Variants in CLSTN2 observed in about 807,000 individuals in gnomAD.
CLSTN2 encodes calsyntenin 2.
A neutral mutation model predicts 101.2 loss-of-function variants in CLSTN2; 48 were observed. That is an observed-to-expected ratio of 0.47 (90% CI 0.38 to 0.60). The LOEUF is 0.60. Among genes scored for constraint, CLSTN2 ranks in the 20% least tolerant of loss-of-function variants. CLSTN2 has a pLI of 0.00. For synonymous variants in CLSTN2, 481 were observed against 463.6 expected (o/e 1.04, Z -0.48); for missense variants, 1,160 against 1,238.2 (o/e 0.94, Z 0.95).
At chr3:140,327,811 A>G (rs1234423089) in intron 2 of CLSTN2, among the ~76,000 whole-genome samples, 4 of 152,224 alleles carry the variant, frequency 2.6e-5, no homozygotes, top group African/African-American at 9.6e-5. Flanking sequence ...AAAATACTGT[A>G]GGATCTGAAT....
At chr3:140,433,980 G>A (rs915855134) in intron 5 of CLSTN2, among the ~76,000 whole-genome samples, 3 of 152,132 alleles carry the variant, frequency 2.0e-5, no homozygotes, top group African/African-American at 4.8e-5. Flanking sequence ...TAAGAGGCCT[G>A]GCAAAGTGCC....
At chr3:139,959,858 T>G (rs556230601) in intron 1 of CLSTN2, among the ~76,000 whole-genome samples, 93 of 152,266 alleles carry the variant, frequency 6.1e-4, no homozygotes, top group Non-Finnish European at 1.2e-3. Context: ...CAAACCACAT[T>G]CTTTGGATTA....
intron 2 of CLSTN2, among the ~76,000 whole-genome samples, chr3:140,347,245 A>G (rs1474765422): frequency 6.6e-6 from 1 of 152,214 alleles, no homozygotes; most frequent in Admixed American, 6.5e-5. Context: ...ACATTTTGCT[A>G]TTGAACTTTT....
intron 1 of CLSTN2, among the ~76,000 whole-genome samples, chr3:140,046,700 G>A (rs556233333): frequency 6.6e-6 from 1 of 152,138 alleles, no homozygotes; most frequent in African/African-American, 2.4e-5. Context: ...CTCTTGTAGG[G>A]CAGGCCTGGT....
chr3:140,081,375 T>C (rs2008596177), intron 1 of CLSTN2, among the ~76,000 whole-genome samples: 1 of 152,256 alleles, frequency 6.6e-6, no homozygotes, highest in Non-Finnish European at 1.5e-5. Flanking sequence ...ATGTTTCTCC[T>C]CTTTTGCATG....
chr3:139,985,775 G>C (rs895292158), intron 1 of CLSTN2, among the ~76,000 whole-genome samples: 2 of 152,196 alleles, frequency 1.3e-5, no homozygotes, highest in Non-Finnish European at 2.9e-5. Context: ...AGGAGGTTCA[G>C]TTTATGTTAT....
intron 2 of CLSTN2, among the ~76,000 whole-genome samples, chr3:140,290,907 A>G (rs1469086023): frequency 2.0e-5 from 3 of 152,154 alleles, no homozygotes; most frequent in African/African-American, 7.2e-5. Flanking sequence ...CTGATCTGCA[A>G]TGATGCCCTC....
intron 2 of CLSTN2, among the ~76,000 whole-genome samples, chr3:140,214,609 C>G (rs992485390): frequency 2.6e-5 from 4 of 152,202 alleles, no homozygotes; most frequent in African/African-American, 9.7e-5. Context: ...TTCCCAACAT[C>G]TTTCTAACAC....
intron 2 of CLSTN2, among the ~76,000 whole-genome samples, chr3:140,228,852 G>A (rs906090756): frequency 3.9e-5 from 6 of 152,152 alleles, no homozygotes; most frequent in Admixed American, 2.6e-4. Context: ...GGAAAGACCC[G>A]CCCCCATAAT....
At chr3:140,066,257 C>T (rs1377817234) in intron 1 of CLSTN2, among the ~76,000 whole-genome samples, 1 of 152,246 alleles carries the variant, frequency 6.6e-6, no homozygotes, top group Non-Finnish European at 1.5e-5. Context: ...TGTCTGTCTG[C>T]AGTCCCAGTG....
intron 2 of CLSTN2, among the ~76,000 whole-genome samples, chr3:140,218,541 TTAGA>T (rs2086229478): frequency 6.6e-6 from 1 of 152,152 alleles, no homozygotes; most frequent in African/African-American, 2.4e-5. Context: ...CCCCCTGTTG[TTAGA>T]TAGTCTGATT....
At position 140,575,520 on chromosome 3, in the gene CLSTN2, C is replaced by T. The variant is rs1160672242; in HGVS notation, c.*9267C>T. 7 of 152,166 alleles carry T rather than the reference C, an allele frequency of 4.6e-5. No homozygotes were observed. Among genetic ancestry groups the T allele is most frequent in the African/African-American group, 9.7e-5 (4 of 41,428 alleles). 9.4% of individuals were successfully genotyped at this position (152,166 alleles called of 1,614,324 possible). ...TCCAACTGACTGCATCCAGTCTGAC[C>T]TCGGTGGTTTCCATAAAGGGTTGTT... On this transcript the variant is annotated 3_prime_UTR_variant, in exon 17 of 17. Coordinates refer to ENST00000458420, the MANE Select transcript of CLSTN2 (RefSeq NM_022131.3).
At chr3:140,314,583 T>C (rs2087210435) in intron 2 of CLSTN2, among the ~76,000 whole-genome samples, 1 of 152,150 alleles carries the variant, frequency 6.6e-6, no homozygotes, top group African/African-American at 2.4e-5. Flanking sequence ...GTGCTTTTTT[T>C]TTTCTTTAAA....
chr3:140,502,668 G>C (rs1934604011), intron 8 of CLSTN2, among the ~76,000 whole-genome samples: 1 of 152,200 alleles, frequency 6.6e-6, no homozygotes, highest in African/African-American at 2.4e-5. Flanking sequence ...GGGGTGCAGT[G>C]GAGTGTGGAG....
chr3:140,448,606 T>A lies in CLSTN2; in HGVS notation c.875T>A (p.Val292Glu), dbSNP rs1432138845. 1 of 1,614,140 alleles carries A rather than the reference T, an allele frequency of 6.2e-7. No homozygotes were observed. Among genetic ancestry groups the A allele is most frequent in the Non-Finnish European group, 8.5e-7 (1 of 1,179,994 alleles). Residue 292 changes from valine to glutamate, a missense_variant, in exon 6 of 17, where the codon GTG becomes GAG. Val to Glu is a moderately radical substitution (Grantham distance 121). Coordinates refer to ENST00000458420, the MANE Select transcript of CLSTN2 (RefSeq NM_022131.3). The part of the protein sequence containing the change: ...SIHLETCDGA[V>E]SSLQIVTELQ... Reference sequence around the variant, plus strand: ...CACCTGGAGACGTGCGATGGAGCCGTGTCTTCCCTCCAGATCGTCACAGAG... The same window carrying A: ...CACCTGGAGACGTGCGATGGAGCCGAGTCTTCCCTCCAGATCGTCACAGAG...
chr3:140,432,500 G>A (rs545809143), intron 5 of CLSTN2, among the ~76,000 whole-genome samples: 9 of 152,220 alleles, frequency 5.9e-5, no homozygotes, highest in Non-Finnish European at 8.8e-5. Context: ...AGCTGCTAAG[G>A]GGATTGCTCA....
At chr3:140,427,240 T>TACATATATATAC (rs1559866802) in intron 5 of CLSTN2, among the ~76,000 whole-genome samples, 199 of 122,954 alleles carry the variant, frequency 1.6e-3, no homozygotes, top group Non-Finnish European at 2.6e-3. Context: ...TATATATATA[T>TACATATATATAC]ATATACATAT....
At chr3:140,155,060 C>T (rs1296306938) in intron 1 of CLSTN2, among the ~76,000 whole-genome samples, 1 of 152,112 alleles carries the variant, frequency 6.6e-6, no homozygotes, top group Non-Finnish European at 1.5e-5. Flanking sequence ...GGTGGGGACA[C>T]AGAGCCAAAC....
intron 2 of CLSTN2, among the ~76,000 whole-genome samples, chr3:140,341,369 T>G (rs2087490899): frequency 6.6e-6 from 1 of 152,174 alleles, no homozygotes; most frequent in Non-Finnish European, 1.5e-5. Context: ...GCCTCTGACC[T>G]CGTCCCCATG....
Sources: allele counts gnomAD v4.1 joint callset (sites outside exome capture counted in the v4.1 genomes callset), GRCh38; gene constraint gnomAD v4.1.1; transcripts MANE v1.5; gene names NCBI Gene and HGNC (gene_info 2026-07-23, HGNC 2026-07-21).